Variants in RRP1 observed in about 807,000 individuals in gnomAD.
RRP1 encodes ribosomal RNA processing protein 1 homolog A.
Under a neutral mutation model 54.6 loss-of-function variants are expected in RRP1, and 37 were observed. The ratio of observed to expected loss-of-function variants is 0.68; its 90% CI spans 0.52 to 0.89. The LOEUF (loss-of-function observed/expected upper bound fraction) is 0.89. RRP1 is among the 40% of genes least tolerant of loss of function. The probability of loss-of-function intolerance (pLI) is 0.00; values close to 1 mark genes in which losing one functional copy is unlikely to be tolerated. For synonymous variants in RRP1, 262 were observed against 244.3 expected, an observed-to-expected ratio of 1.07 and a Z score of -0.67; for missense variants, 639 against 612.5, an observed-to-expected ratio of 1.04 and a Z score of -0.46.
chr21:43,802,470 C>T (rs746843991), intron 12 of RRP1, 83 bp downstream of exon 12: 2 of 1,088,314 alleles, frequency 1.8e-6, no homozygotes, highest in African/African-American at 1.5e-5. Context: ...CCTGCAGTGT[C>T]TCCCCCTGAA....
intron 4 of RRP1, 116 bp downstream of exon 4, chr21:43,793,520 C>A: frequency 1.4e-5 from 11 of 803,566 alleles, no homozygotes; most frequent in Middle Eastern, 3.6e-4. Context: ...GACCCTGAAG[C>A]CAGGGGTGGG....
intron 12 of RRP1, 105 bp downstream of exon 12, chr21:43,802,492 G>C (rs775384637): frequency 8.0e-6 from 7 of 876,284 alleles, no homozygotes; most frequent in Non-Finnish European, 1.3e-5. Context: ...CATGAGTGCC[G>C]AGTCCCCCAT....
chr21:43,802,229 G>A (rs775338540), intron 11 of RRP1, 45 bp from the exon 12 acceptor site: 7 of 1,446,730 alleles, frequency 4.8e-6, no homozygotes, highest in Non-Finnish European at 6.8e-6. Flanking sequence ...CAAACCATAA[G>A]TCCCCAGCCC....
At position 43,805,276 on chromosome 21, in the gene RRP1, CA is replaced by C. The variant is rs59150143; in HGVS notation, c.*1519del. 34,471 of 119,412 alleles carry C rather than the reference CA, an allele frequency of 0.29. 4,931 individuals are homozygous for C. The highest frequency in any genetic ancestry group is 0.46 in the African/African-American group (15,467 of 33,846). The allele number at this position is 119,412 out of a possible 1,614,324, so 7.4% of individuals were successfully genotyped here. On this transcript the variant is annotated 3_prime_UTR_variant, in exon 13 of 13. Coordinates refer to ENST00000497547, the MANE Select transcript of RRP1 (RefSeq NM_003683.6). Reference sequence around the variant, plus strand: ...GGGCAACGAGAGGGAAACTCTGTTTCAAAAAAAAAAAAAAAAAGACAAGCGT... The same window carrying C: ...GGGCAACGAGAGGGAAACTCTGTTTCAAAAAAAAAAAAAAAAGACAAGCGT...
Position 43,798,055 on chromosome 21 carries a change from C to G in RRP1, c.766C>G (p.Arg256Gly), listed in dbSNP as rs200937759. 83 of 1,613,964 alleles carry G rather than the reference C, an allele frequency of 5.1e-5. 1 individual carries two copies. The African/African-American group carries it at 1.1e-3, about 21-fold the overall frequency. Residue 256 changes from arginine to glycine, a missense_variant, in exon 8 of 13, where the codon CGT becomes GGT. Coordinates refer to ENST00000497547, the MANE Select transcript of RRP1 (RefSeq NM_003683.6). ...TGATGAGTCCTCTGAGGGTGGTGAG[C>G]GTGGAGACGCGCTGTCCCAGAAGAG... ...DSDESSEGGE[R>G]GDALSQKRSE...
chr21:43,801,445 C>T (rs1055305608), intron 11 of RRP1, among the ~76,000 whole-genome samples: 5 of 152,186 alleles, frequency 3.3e-5, no homozygotes, highest in African/African-American at 7.2e-5. Flanking sequence ...CCAGCGGGCG[C>T]GTCATCAGCT....
Position 43,803,511 on chromosome 21 carries a change from G to A in RRP1, c.1124-1G>A, listed in dbSNP as rs2085113887. 1 of 1,548,838 alleles carries A rather than the reference G, an allele frequency of 6.5e-7. No homozygotes were observed. Among genetic ancestry groups the A allele is most frequent in the Middle Eastern group, 2.2e-4 (1 of 4,486 alleles). On this transcript the variant is annotated splice_acceptor_variant, in intron 12 of 12. Coordinates refer to ENST00000497547, the MANE Select transcript of RRP1 (RefSeq NM_003683.6). LOFTEE classifies it high-confidence loss of function. ...CTCATGGGGTCTTGCTGTTTTGTCA[G>A]GGAAAGGTGAGAAGGAGCCCCCGAG...
Position 43,803,727 on chromosome 21 carries a change from G to A in RRP1, c.1339G>A (p.Ala447Thr). Residue 447 changes from alanine to threonine, a missense_variant, in exon 13 of 13, where the codon GCG (alanine) becomes ACG (threonine). By Grantham distance (58) the Ala-to-Thr change is moderately conservative (BLOSUM62 0). Transcript: ENST00000497547. ...GCCCCTGACCAGTGCCCGAGCAAAG[G>A]CGGCCAATGTCCAGGAGCCGGAGAA... ...PRPLTSARAK[A>T]ANVQEPEKKK... 6.4e-7 allele frequency: 1 copy of A among 1,569,756 alleles called. No individual in the cohort carries two copies. Among genetic ancestry groups the A allele is most frequent in the Non-Finnish European group, 8.6e-7 (1 of 1,156,750 alleles).
At position 43,803,808 on chromosome 21, in the gene RRP1, C is replaced by T; in HGVS notation, c.*34C>T. On this transcript the variant is annotated 3_prime_UTR_variant, in exon 13 of 13. Transcript: ENST00000497547. ...GGCCAAGGACAGGCAGGGAGGGAGG[C>T]CAGGCCTCGCTTGCACCGCGGGACG... 1.3e-6 allele frequency: 2 copies of T among 1,532,244 alleles called. No individual in the cohort carries two copies. Among genetic ancestry groups the T allele is most frequent in the Non-Finnish European group, 1.8e-6 (2 of 1,134,934 alleles). The allele number at this position is 1,532,244 out of a possible 1,614,324, so 94.9% of individuals were successfully genotyped here.
At chr21:43,797,609 C>G (rs1470580608) in intron 6 of RRP1, 22 bp from the exon 7 acceptor site, 1 of 1,614,166 alleles carries the variant, frequency 6.2e-7, no homozygotes, top group Non-Finnish European at 8.5e-7. Flanking sequence ...AGGAACTGAG[C>G]TCCCGCTGGC....
Position 43,797,891 on chromosome 21 carries a change from C to G in RRP1, c.618-16C>G, listed in dbSNP as rs1569015657. ...GCATAACGGGCCTGCTCACCGGCCT[C>G]TGCTCTGCCCCTCAGTTCCTTGGTT... On this transcript the variant is annotated splice_polypyrimidine_tract_variant and intron_variant, in intron 7 of 12. Coordinates refer to ENST00000497547, the MANE Select transcript of RRP1 (RefSeq NM_003683.6). 1.2e-6 allele frequency: 2 copies of G among 1,609,082 alleles called. No homozygotes were observed. Among genetic ancestry groups the G allele is most frequent in the Non-Finnish European group, 1.7e-6 (2 of 1,176,530 alleles).
At chr21:43,795,106 AGCG>A (rs1289953790) in intron 4 of RRP1, 80 bp from the exon 5 acceptor site, 1 of 1,287,912 alleles carries the variant, frequency 7.8e-7, no homozygotes, top group Non-Finnish European at 1.1e-6. Context: ...TTTATCCTGC[AGCG>A]GATGGTGGTA....
rs200848950 is a variant in RRP1 at position 43,789,612 on chromosome 21, G to T, written c.-18G>T. 6.9e-6 allele frequency: 11 copies of T among 1,585,486 alleles called. No homozygotes were observed. The highest frequency in any genetic ancestry group is 1.8e-5 in the Admixed American group (1 of 57,104). The stretch of plus-strand genomic sequence containing the variant: ...GTACCAGGCGACTCCGGGACAGGGG[G>T]TCTCGGCCGTCGGCGTCATGGTTTC... On this transcript the variant is annotated 5_prime_UTR_variant, in exon 1 of 13. Transcript: ENST00000497547.
intron 1 of RRP1, chr21:43,791,016 A>G (rs749698596): frequency 5.8e-5 from 28 of 480,238 alleles, no homozygotes; most frequent in African/African-American, 2.2e-4. Flanking sequence ...TCACCAACAG[A>G]TTAACCTTGT....
rs1569018615 is a variant in RRP1, at chr21:43,802,451, T to A, written c.1123+64T>A. ...CTCACCTGCTTGCTTCTCCCCTGGATGGGGGTCACCTGCAGTGTCTCCCCC... is the reference window on the plus strand; with the variant it reads ...CTCACCTGCTTGCTTCTCCCCTGGAAGGGGGTCACCTGCAGTGTCTCCCCC... On this transcript the variant is annotated intron_variant, in intron 12 of 12. Transcript: ENST00000497547. 2.3e-6 allele frequency: 3 copies of A among 1,333,128 alleles called. No homozygotes were observed. The East Asian group carries it at 6.9e-5, about 31-fold the overall frequency. 82.6% of individuals were successfully genotyped at this position (1,333,128 alleles called of 1,614,324 possible).
chr21:43,801,711 C>T (rs998331811), intron 11 of RRP1, among the ~76,000 whole-genome samples: 1 of 152,126 alleles, frequency 6.6e-6, no homozygotes, highest in Non-Finnish European at 1.5e-5. Context: ...CGGGACAGCG[C>T]GCGTCAGTGA....
intron 9 of RRP1, 137 bp downstream of exon 9, chr21:43,799,786 T>C: frequency 1.2e-6 from 1 of 811,212 alleles, no homozygotes; most frequent in African/African-American, 1.7e-5. Context: ...GGGGTTAGCT[T>C]TGAAGGAGGG....
chr21:43,795,641 C>T (rs920264107), intron 5 of RRP1, among the ~76,000 whole-genome samples: 1 of 152,192 alleles, frequency 6.6e-6, no homozygotes, highest in Non-Finnish European at 1.5e-5. Flanking sequence ...CTTGACCTCC[C>T]GGGCTCAAGT....
intron 3 of RRP1, chr21:43,792,986 G>T: frequency 1.8e-6 from 1 of 562,976 alleles, no homozygotes; most frequent in Non-Finnish European, 3.1e-6. Flanking sequence ...AAAATAAAGT[G>T]AAAAGCCAGG....
Sources: gnomAD v4.1 joint callset for allele counts (sites outside exome capture counted in the v4.1 genomes callset) on GRCh38, gnomAD v4.1.1 for gene constraint, MANE v1.5 for transcripts, NCBI Gene and HGNC (gene_info 2026-07-23, HGNC 2026-07-21) for gene names.